XXYLT1: variants seen among roughly 807,000 people sequenced by gnomAD.
XXYLT1 encodes the protein UDP-xylose:alpha-xyloside alpha-1,3-xylosyltransferase.
Under a neutral mutation model 28.9 loss-of-function variants are expected in XXYLT1, and 20 were observed. The observed-to-expected ratio is 0.69, with a 90% CI of 0.49 to 1.00. The LOEUF is 1.00. Ranked by LOEUF, XXYLT1 falls within the 50% of genes least tolerant of loss-of-function variation. The probability of loss-of-function intolerance (pLI) is 0.00; values close to 1 mark genes in which losing one functional copy is unlikely to be tolerated. For synonymous variants in XXYLT1, 257 were observed against 253.8 expected (o/e 1.01, Z -0.12); for missense variants, 542 against 560.1 (o/e 0.97, Z 0.33).
chr3:195,244,277 C>T (rs1432148840), intron 1 of XXYLT1, among the ~76,000 whole-genome samples: 3 of 152,182 alleles, frequency 2.0e-5, no homozygotes, highest in Admixed American at 6.5e-5. Context: ...GTCAACAGGA[C>T]GGCGTGTCTC....
In XXYLT1 at chr3:195,182,350, G is replaced by A. The variant is rs1049751099; in HGVS notation, c.653-25769C>T. ...TGCTGCTGCTGCTATTACCTGACGA[G>A]GACAACTACATAAAGCAACTTGTTT... On this transcript the variant is annotated intron_variant, in intron 2 of 3. Transcript: ENST00000310380. Among the ~76,000 whole-genome samples the A allele has an allele frequency of 3.3e-5, 5 of 152,128 alleles. 1 individual carries two copies. Among genetic ancestry groups the A allele is most frequent in the Non-Finnish European group, 7.4e-5 (5 of 68,026 alleles).
At chr3:195,196,962 C>G (rs1280969742) in intron 2 of XXYLT1, among the ~76,000 whole-genome samples, 1 of 152,074 alleles carries the variant, frequency 6.6e-6, no homozygotes, top group Non-Finnish European at 1.5e-5. Context: ...CTTTTTAAAA[C>G]CCGGTGTTGT....
intron 3 of XXYLT1, among the ~76,000 whole-genome samples, chr3:195,099,951 T>C (rs1042594467): frequency 3.9e-5 from 6 of 152,198 alleles, no homozygotes; most frequent in South Asian, 4.1e-4. Flanking sequence ...TGTTTCTCAC[T>C]GGGCACAAAA....
intron 3 of XXYLT1, among the ~76,000 whole-genome samples, chr3:195,138,394 T>TGA (rs1719306004): frequency 6.6e-6 from 1 of 152,146 alleles, no homozygotes; most frequent in Admixed American, 6.5e-5. Flanking sequence ...GCCTGGTCCT[T>TGA]GACTAATAAG....
chr3:195,244,689 G>A (rs1192606835), intron 1 of XXYLT1, among the ~76,000 whole-genome samples: 11 of 149,368 alleles, frequency 7.4e-5, no homozygotes, highest in Non-Finnish European at 1.6e-4. Flanking sequence ...GTGAACCCAG[G>A]GGGCAGAGCG....
chr3:195,157,015 C>T (rs1201258543), intron 2 of XXYLT1, among the ~76,000 whole-genome samples: 3 of 152,120 alleles, frequency 2.0e-5, no homozygotes, highest in African/African-American at 7.2e-5. Flanking sequence ...GAGGCCGAGG[C>T]GGGTAGATCA....
chr3:195,144,048 C>G (rs1000959814), intron 3 of XXYLT1, among the ~76,000 whole-genome samples: 3 of 149,294 alleles, frequency 2.0e-5, no homozygotes, highest in African/African-American at 7.3e-5. Flanking sequence ...CACCCGCCAC[C>G]ACGCCCAGCT....
chr3:195,194,680 G>A (rs780265356), intron 2 of XXYLT1, among the ~76,000 whole-genome samples: 4 of 152,010 alleles, frequency 2.6e-5, no homozygotes, highest in Non-Finnish European at 4.4e-5. Context: ...ACAAACACAC[G>A]AACAAAACGT....
intron 3 of XXYLT1, among the ~76,000 whole-genome samples, chr3:195,105,036 T>C (rs569762090): frequency 4.6e-5 from 7 of 152,216 alleles, no homozygotes; most frequent in Admixed American, 3.9e-4. Context: ...CTGGGGATAG[T>C]GGTGTGGCTG....
At chr3:195,181,157 T>C (rs13073231) in intron 2 of XXYLT1, among the ~76,000 whole-genome samples, 2 of 152,222 alleles carry the variant, frequency 1.3e-5, no homozygotes, top group Non-Finnish European at 2.9e-5. Context: ...ACTGTGCTTC[T>C]CCTGAGGACT....
Position 195,255,334 on chromosome 3 carries a change from C to A in XXYLT1, c.504+15221G>T, listed in dbSNP as rs1725438280. ...CAGCAGCGGGGTTCCCTACCCCACACGGCTCGCACCCACGAGCTCAGCCCC... is the reference window on the plus strand; with the variant it reads ...CAGCAGCGGGGTTCCCTACCCCACAAGGCTCGCACCCACGAGCTCAGCCCC... On this transcript the variant is annotated intron_variant, in intron 1 of 3. Coordinates refer to ENST00000310380, the MANE Select transcript of XXYLT1 (RefSeq NM_152531.5). The surrounding 1 kb of genome is among the most constrained non-coding windows in gnomAD (Gnocchi z 4.5). Among the ~76,000 whole-genome samples the A allele has an allele frequency of 1.3e-5, 2 of 152,300 alleles. No individual in the cohort carries two copies. Among genetic ancestry groups the A allele is most frequent in the African/African-American group, 2.4e-5 (1 of 41,566 alleles).
chr3:195,083,732 G>A (rs1042436241), intron 3 of XXYLT1, among the ~76,000 whole-genome samples: 2 of 152,162 alleles, frequency 1.3e-5, no homozygotes, highest in African/African-American at 4.8e-5. Flanking sequence ...GGCCCAGAGA[G>A]TTACTGCGCC....
chr3:195,137,328 T>C (rs918232476), intron 3 of XXYLT1, among the ~76,000 whole-genome samples: 1 of 152,366 alleles, frequency 6.6e-6, no homozygotes, highest in East Asian at 1.9e-4. Context: ...TATTTTCAGC[T>C]GGCAATTTAC....
intron 2 of XXYLT1, among the ~76,000 whole-genome samples, chr3:195,181,614 T>C (rs1341112641): frequency 6.6e-6 from 1 of 152,094 alleles, no homozygotes; most frequent in East Asian, 1.9e-4. Flanking sequence ...ACCCTCGAGA[T>C]AGGTGTATTT....
chr3:195,253,965 G>C (rs1725378068), intron 1 of XXYLT1, among the ~76,000 whole-genome samples: 1 of 152,184 alleles, frequency 6.6e-6, no homozygotes, highest in African/African-American at 2.4e-5. Context: ...GTTTTAAAGG[G>C]TAACACCAGA....
intron 1 of XXYLT1, among the ~76,000 whole-genome samples, chr3:195,250,564 CAAAA>C (rs112929194): frequency 9.3e-6 from 1 of 107,378 alleles, no homozygotes; most frequent in Non-Finnish European, 2.0e-5. Flanking sequence ...AACTCCATCT[CAAAA>C]AAAAAAAAAA....
chr3:195,110,327 A>T (rs1024321981), intron 3 of XXYLT1, among the ~76,000 whole-genome samples: 71 of 1,068 alleles, frequency 0.066, 1 homozygote, highest in Middle Eastern at 0.25. Context: ...GGTGAGGGTG[A>T]GGTGTGTGTA....
intron 1 of XXYLT1, among the ~76,000 whole-genome samples, chr3:195,263,006 AG>A (rs3832213): frequency 0.13 from 20,038 of 152,166 alleles, 1,749 homozygotes; most frequent in East Asian, 0.48. Flanking sequence ...AGTTTCATTC[AG>A]GTGCAAGGTG....
Position 195,171,734 on chromosome 3 carries a change from A to T in XXYLT1, c.653-15153T>A, listed in dbSNP as rs530080337. On this transcript the variant is annotated intron_variant, in intron 2 of 3. Coordinates refer to ENST00000310380, the MANE Select transcript of XXYLT1 (RefSeq NM_152531.5). ...GTCGCTTCCCCACAGGTCTGTATTC[A>T]TGGTCTGGTTCCCAGAATGCCAGGT... 2.6e-5 allele frequency among the ~76,000 whole-genome samples: 4 copies of T among 152,342 alleles called. No homozygotes were observed. In the South Asian group the frequency reaches 6.2e-4, roughly 24 times the overall value.
Sources: gnomAD v4.1 joint callset for allele counts (sites outside exome capture counted in the v4.1 genomes callset) on GRCh38, gnomAD v4.1.1 for gene constraint, Gnocchi (gnomAD v3.1) non-coding constraint, MANE v1.5 for transcripts, NCBI Gene and HGNC (gene_info 2026-07-23, HGNC 2026-07-21) for gene names.